The following TMEM232 variants were observed in gnomAD, a reference collection of about 807,000 sequenced individuals.
TMEM232 encodes transmembrane protein 232.
TMEM232 carries 80 observed loss-of-function variants against 78.8 expected under a neutral mutation model. The ratio of observed to expected loss-of-function variants is 1.01; its 90% CI spans 0.85 to 1.22. The LOEUF (loss-of-function observed/expected upper bound fraction) is 1.22. TMEM232 is among the 50% of genes most tolerant of loss of function. The probability of loss-of-function intolerance (pLI) is 0.00; values close to 1 mark genes in which losing one functional copy is unlikely to be tolerated. For synonymous variants in TMEM232, 297 were observed against 254.3 expected (o/e 1.17, Z -1.60); for missense variants, 881 against 742.2 (o/e 1.19, Z -2.17).
intron 12 of TMEM232, among the ~76,000 whole-genome samples, chr5:110,472,184 C>A (rs964040487): frequency 1.3e-4 from 20 of 151,658 alleles, no homozygotes; most frequent in African/African-American, 4.6e-4. Context: ...AACTAATAAA[C>A]AAATTCAGTA....
intron 12 of TMEM232, among the ~76,000 whole-genome samples, chr5:110,466,887 AACTAT>A (rs771117549): frequency 7.1e-5 from 10 of 140,122 alleles, no homozygotes; most frequent in Non-Finnish European, 1.0e-4. Flanking sequence ...ATGTTGCTTG[AACTAT>A]AGTATTTGTG....
rs766337968 is a variant in TMEM232, at chr5:110,424,863, G to C, written c.1757C>G (p.Thr586Ser). Residue 586 changes from threonine (T) to serine (S), a missense_variant, in exon 13 of 14, where the codon ACC becomes AGC. Transcript: ENST00000455884. ...IPMFPYPDFF[T>S]KADKELAKII... The stretch of plus-strand genomic sequence containing the variant: ...TTTTGCCAACTCTTTATCTGCCTTG[G>C]TGAAGAAATCTGGATATGGAAACAT... The C allele has an allele frequency of 1.8e-5, 28 of 1,550,080 alleles. 1 individual carries two copies. The South Asian group carries it at 2.9e-4, about 16-fold the overall frequency.
chr5:110,655,963 G>C (rs904395707), intron 2 of TMEM232, among the ~76,000 whole-genome samples: 1 of 149,480 alleles, frequency 6.7e-6, no homozygotes, highest in African/African-American at 2.5e-5. Context: ...GCTAAATGAC[G>C]AGTTAGTGGG....
chr5:110,689,884 G>A (rs1367794082), intron 1 of TMEM232, among the ~76,000 whole-genome samples: 1 of 152,146 alleles, frequency 6.6e-6, no homozygotes, highest in African/African-American at 2.4e-5. Flanking sequence ...AAACAATGGG[G>A]AAAGGATTCC....
chr5:110,407,247 G>C (rs1427906241), intron 2 of TMEM232, among the ~76,000 whole-genome samples: 1 of 151,958 alleles, frequency 6.6e-6, no homozygotes, highest in East Asian at 1.9e-4. Context: ...AAAAAGCAAA[G>C]AATAGCTGAA....
intron 3 of TMEM232, among the ~76,000 whole-genome samples, chr5:110,392,405 C>T (rs1755232925): frequency 1.3e-5 from 2 of 152,296 alleles, no homozygotes; most frequent in South Asian, 4.1e-4. Flanking sequence ...TGACTCCCTC[C>T]AATTTGGTAA....
chr5:110,517,300 G>A (rs902242065), intron 12 of TMEM232, among the ~76,000 whole-genome samples: 1 of 152,182 alleles, frequency 6.6e-6, no homozygotes, highest in African/African-American at 2.4e-5. Flanking sequence ...AAAGGAGCTA[G>A]CTATGGAACT....
chr5:110,521,362 T>C (rs1769477365), intron 12 of TMEM232, among the ~76,000 whole-genome samples: 1 of 152,228 alleles, frequency 6.6e-6, no homozygotes. Context: ...ATTTGGAAAT[T>C]AAACCTTTGT....
intron 12 of TMEM232, among the ~76,000 whole-genome samples, chr5:110,430,264 T>C (rs1757688903): frequency 2.6e-5 from 4 of 151,862 alleles, no homozygotes; most frequent in African/African-American, 9.6e-5. Flanking sequence ...AAGTTTTCTC[T>C]CGTTTAATTA....
chr5:110,690,301 C>A (rs913904513), intron 1 of TMEM232, among the ~76,000 whole-genome samples: 40 of 151,956 alleles, frequency 2.6e-4, no homozygotes, highest in African/African-American at 8.5e-4. Flanking sequence ...AAATAAACAA[C>A]CCCTTCAAAA....
chr5:110,473,743 G>C (rs13359441), intron 12 of TMEM232, among the ~76,000 whole-genome samples: 1 of 149,464 alleles, frequency 6.7e-6, no homozygotes, highest in Non-Finnish European at 1.5e-5. Context: ...TGTAAGTGTC[G>C]ATCAATGGAA....
At chr5:110,607,009 TTTAAAAG>T (rs149608870) in intron 8 of TMEM232, among the ~76,000 whole-genome samples, 6,795 of 151,968 alleles carry the variant, frequency 0.045, 536 homozygotes, top group African/African-American at 0.15. Context: ...CATTAATAAA[TTTAAAAG>T]TTAGTATATT....
chr5:110,417,399 A>G (rs988092548), downstream of TMEM232, among the ~76,000 whole-genome samples: 1 of 152,258 alleles, frequency 6.6e-6, no homozygotes, highest in East Asian at 1.9e-4. Context: ...AGTTGAAATA[A>G]TTTATCTGGT....
At chr5:110,647,138 G>T (rs1322881066) in intron 2 of TMEM232, among the ~76,000 whole-genome samples, 1 of 151,896 alleles carries the variant, frequency 6.6e-6, no homozygotes, top group Non-Finnish European at 1.5e-5. Flanking sequence ...AGCATTGTAT[G>T]TGTACAAAAA....
At chr5:110,717,999 A>C (rs1205915562) in intron 1 of TMEM232, among the ~76,000 whole-genome samples, 1 of 152,102 alleles carries the variant, frequency 6.6e-6, no homozygotes, top group Non-Finnish European at 1.5e-5. Context: ...ATGTGTTTAA[A>C]AGTATATTGA....
intron 1 of TMEM232, among the ~76,000 whole-genome samples, chr5:110,682,959 A>C (rs924793224): frequency 6.6e-6 from 1 of 152,140 alleles, no homozygotes; most frequent in African/African-American, 2.4e-5. Context: ...TCAGCAGCTT[A>C]CTTTAATCCT....
chr5:110,677,308 G>C (rs1792150772), intron 1 of TMEM232, among the ~76,000 whole-genome samples: 2 of 151,052 alleles, frequency 1.3e-5, no homozygotes, highest in South Asian at 4.2e-4. Flanking sequence ...TTTTGGATGT[G>C]TGGTGTGCAA....
chr5:110,627,434 T>C (rs966822405), intron 6 of TMEM232, among the ~76,000 whole-genome samples: 3 of 151,988 alleles, frequency 2.0e-5, no homozygotes, highest in Admixed American at 6.6e-5. Flanking sequence ...GGGGGAGATA[T>C]CAGAGTGCAA....
chr5:110,408,793 C>T (rs1269342822), intron 2 of TMEM232, among the ~76,000 whole-genome samples: 1 of 151,920 alleles, frequency 6.6e-6, no homozygotes, highest in African/African-American at 2.4e-5. Flanking sequence ...TTATGAACAA[C>T]AGTATTTCAC....
Sources: allele counts gnomAD v4.1 joint callset (sites outside exome capture counted in the v4.1 genomes callset), GRCh38; gene constraint gnomAD v4.1.1; transcripts MANE v1.5; gene names NCBI Gene and HGNC (gene_info 2026-07-23, HGNC 2026-07-21).